The following RPRD1A variants were observed in gnomAD, a reference collection of about 807,000 sequenced individuals.
RPRD1A encodes regulation of nuclear pre-mRNA domain containing 1A.
In RPRD1A, 9 loss-of-function variants were observed where a neutral mutation model predicts 37.8. That is an observed-to-expected ratio of 0.24 (90% CI 0.14 to 0.42). The LOEUF is 0.42. Among genes scored for constraint, RPRD1A ranks in the 10% least tolerant of loss-of-function variants. The pLI, the probability that RPRD1A is intolerant of heterozygous loss-of-function variation, is 1.00. For synonymous variants in RPRD1A, 138 were observed against 139.7 expected (o/e 0.99, Z 0.08); for missense variants, 255 against 371.0 (o/e 0.69, Z 2.57).
chr18:36,059,268 G>C (rs2088858968), intron 1 of RPRD1A, among the ~76,000 whole-genome samples: 1 of 151,876 alleles, frequency 6.6e-6, no homozygotes, highest in East Asian at 1.9e-4. Context: ...CTCCCAAGTA[G>C]CTGGGATTAC....
At chr18:36,011,729 C>T (rs1411993039) in intron 6 of RPRD1A, among the ~76,000 whole-genome samples, 1 of 152,072 alleles carries the variant, frequency 6.6e-6, no homozygotes, top group African/African-American at 2.4e-5. Context: ...GTGCACCTTC[C>T]ACAAACAAAA....
chr18:36,046,305 T>TTC (rs888847708), intron 1 of RPRD1A, among the ~76,000 whole-genome samples: 1 of 151,742 alleles, frequency 6.6e-6, no homozygotes, highest in African/African-American at 2.4e-5. Context: ...CCAATCCCAC[T>TTC]CAGCAATAAA....
In RPRD1A at chr18:35,992,967, G is replaced by T. The variant is rs540241765; in HGVS notation, c.*184C>A. On this transcript the variant is annotated 3_prime_UTR_variant, in exon 7 of 7. Transcript: ENST00000399022. Reference sequence around the variant, plus strand: ...CAAATCATCACTTTGTTCAAATTAAGTCATGTTAATTTACCAATAAAATAG... The same window carrying T: ...CAAATCATCACTTTGTTCAAATTAATTCATGTTAATTTACCAATAAAATAG... The T allele has an allele frequency of 1.7e-4, 75 of 439,042 alleles. No individual in the cohort carries two copies. The highest frequency in any genetic ancestry group is 1.3e-3 in the African/African-American group (63 of 49,358). 27.2% of individuals were successfully genotyped at this position (439,042 alleles called of 1,614,324 possible).
At chr18:36,040,975 T>G (rs558756934) in intron 1 of RPRD1A, 2 of 603,494 alleles carry the variant, frequency 3.3e-6, no homozygotes, top group African/African-American at 3.9e-5. Context: ...CAATTTCAGG[T>G]GGAAAAAAAG....
chr18:36,008,573 G>GTATGTATGTATGTATGTATGTA (rs1339247337), intron 6 of RPRD1A, among the ~76,000 whole-genome samples: 1 of 36,638 alleles, frequency 2.7e-5, no homozygotes, highest in African/African-American at 1.2e-4. Flanking sequence ...AAGACCTTGT[G>GTATGTATGTATGTATGTATGTA]TGTGTATATA....
chr18:36,040,912 ATTAAATAGTTCTT>A, intron 1 of RPRD1A: 1 of 1,102,202 alleles, frequency 9.1e-7, no homozygotes, highest in Non-Finnish European at 1.3e-6. Flanking sequence ...ACCTTCTAGA[ATTAAATAGTTCTT>A]TACAGTAATT....
chr18:36,005,338 CTATT>C (rs1211810986), intron 6 of RPRD1A, among the ~76,000 whole-genome samples: 1 of 151,982 alleles, frequency 6.6e-6, no homozygotes, highest in Non-Finnish European at 1.5e-5. Context: ...ATATTTGCAA[CTATT>C]TAAAACAAAA....
chr18:35,998,935 T>A (rs923809093), intron 6 of RPRD1A, among the ~76,000 whole-genome samples: 1 of 152,234 alleles, frequency 6.6e-6, no homozygotes, highest in Non-Finnish European at 1.5e-5. Context: ...TCTTGAAATC[T>A]GAACCACCAT....
chr18:36,048,931 G>C (rs545513964), intron 1 of RPRD1A, among the ~76,000 whole-genome samples: 41 of 152,300 alleles, frequency 2.7e-4, no homozygotes, highest in East Asian at 1.5e-3. Flanking sequence ...CATTCAGCAA[G>C]AGCTGAATTG....
rs954914564 is a variant in RPRD1A, at chr18:36,067,482, C to T, written c.-78G>A. The T allele has an allele frequency of 9.1e-5, 131 of 1,434,746 alleles. No individual in the cohort carries two copies. The highest frequency in any genetic ancestry group is 1.2e-4 in the Non-Finnish European group (131 of 1,057,036). The allele number at this position is 1,434,746 out of a possible 1,614,324, so 88.9% of individuals were successfully genotyped here. A position where few individuals can be genotyped will look rare whatever the true frequency, so the allele number is the denominator to read the frequency against. On this transcript the variant is annotated 5_prime_UTR_variant, in exon 1 of 7. Coordinates refer to ENST00000399022, the MANE Select transcript of RPRD1A (RefSeq NM_018170.5). Reference sequence around the variant, plus strand: ...AGTTTCGCCGCCCTAGCTGCGGCCTCGCCCCCTCACCCCACCCTTCCCCAC... The same window carrying T: ...AGTTTCGCCGCCCTAGCTGCGGCCTTGCCCCCTCACCCCACCCTTCCCCAC...
At chr18:36,018,272 AC>A (rs199557673) in intron 6 of RPRD1A, among the ~76,000 whole-genome samples, 1,916 of 79,864 alleles carry the variant, frequency 0.024, 19 homozygotes, top group African/African-American at 0.027. Flanking sequence ...TCCAAGTTAC[AC>A]TTTTTTTTTT....
At chr18:36,020,309 G>A (rs1279884314) in intron 6 of RPRD1A, among the ~76,000 whole-genome samples, 1 of 152,136 alleles carries the variant, frequency 6.6e-6, no homozygotes, top group Non-Finnish European at 1.5e-5. Flanking sequence ...AAAAGAGTGT[G>A]CGCATCTAGG....
chr18:36,057,054 A>T (rs1326914966), intron 1 of RPRD1A, among the ~76,000 whole-genome samples: 1 of 117,936 alleles, frequency 8.5e-6, no homozygotes, highest in Non-Finnish European at 1.8e-5. Flanking sequence ...GTTTCTACAA[A>T]AAAAAAAAAA....
At chr18:36,066,896 C>G (rs950657656) in intron 1 of RPRD1A, among the ~76,000 whole-genome samples, 2 of 152,288 alleles carry the variant, frequency 1.3e-5, no homozygotes, top group Non-Finnish European at 1.5e-5. Context: ...CAATCTTTTT[C>G]TTTCCACTCC....
intron 1 of RPRD1A, among the ~76,000 whole-genome samples, chr18:36,061,548 G>A (rs1410234343): frequency 6.6e-6 from 1 of 152,088 alleles, no homozygotes; most frequent in African/African-American, 2.4e-5. Context: ...TGTTAGTGTT[G>A]GTTTCTAAGT....
chr18:36,065,000 T>G (rs989605894), intron 1 of RPRD1A, among the ~76,000 whole-genome samples: 1 of 151,290 alleles, frequency 6.6e-6, no homozygotes, highest in Non-Finnish European at 1.5e-5. Context: ...GTCTGCAGCT[T>G]CACTCCTGAA....
At chr18:36,047,114 A>AGAGGTT (rs1382588057) in intron 1 of RPRD1A, among the ~76,000 whole-genome samples, 5 of 152,090 alleles carry the variant, frequency 3.3e-5, no homozygotes, top group African/African-American at 1.2e-4. Flanking sequence ...CCAGCTATTC[A>AGAGGTT]GGAGGCTCGC....
At chr18:36,011,071 G>C (rs940269248) in intron 6 of RPRD1A, among the ~76,000 whole-genome samples, 2 of 152,232 alleles carry the variant, frequency 1.3e-5, no homozygotes, top group African/African-American at 4.8e-5. Flanking sequence ...AAACGCTAGA[G>C]ATATGCTAGC....
At chr18:35,997,866 C>T (rs974251038) in intron 6 of RPRD1A, among the ~76,000 whole-genome samples, 5 of 152,202 alleles carry the variant, frequency 3.3e-5, no homozygotes, top group African/African-American at 1.2e-4. Context: ...ACCACCTCTC[C>T]CAATTTTTAA....
Sources: gnomAD v4.1 joint callset for allele counts (sites outside exome capture counted in the v4.1 genomes callset) on GRCh38, gnomAD v4.1.1 for gene constraint, MANE v1.5 for transcripts, NCBI Gene and HGNC (gene_info 2026-07-23, HGNC 2026-07-21) for gene names.